The following HDAC9 variants were observed in gnomAD, a reference collection of about 807,000 sequenced individuals.
The protein encoded by HDAC9 is MEF-2 interacting transcription repressor (MITR) protein.
A neutral mutation model predicts 139.4 loss-of-function variants in HDAC9; 41 were observed. The observed-to-expected ratio is 0.29, with a 90% CI of 0.23 to 0.38. The LOEUF (loss-of-function observed/expected upper bound fraction) is 0.38. Ranked by LOEUF, HDAC9 falls within the 10% of genes least tolerant of loss-of-function variation. HDAC9 has a pLI of 1.00. For synonymous variants in HDAC9, 517 were observed against 476.2 expected, an observed-to-expected ratio of 1.09 and a Z score of -1.12; for missense variants, 1,147 against 1,297.0, an observed-to-expected ratio of 0.88 and a Z score of 1.78.
intron 1 of HDAC9, among the ~76,000 whole-genome samples, chr7:18,478,819 G>A (rs1795327201): frequency 6.6e-6 from 1 of 152,008 alleles, no homozygotes; most frequent in African/African-American, 2.4e-5. Flanking sequence ...CTCAATTTTT[G>A]TCTGTCTGCT....
At chr7:18,420,331 G>A (rs1194195116) in intron 1 of HDAC9, among the ~76,000 whole-genome samples, 1 of 152,098 alleles carries the variant, frequency 6.6e-6, no homozygotes, top group African/African-American at 2.4e-5. Context: ...GTTACTTTTT[G>A]TGATTGCTAG....
At position 18,996,248 on chromosome 7, in the gene HDAC9, G is replaced by A; in HGVS notation, c.*186G>A. On this transcript the variant is annotated 3_prime_UTR_variant, in exon 26 of 26. Transcript: ENST00000686413. Reference sequence around the variant, plus strand: ...TGGATGGACTTGAAAGGGCATTAAAGATTCCTTAAACGTAACCGCTGTGAT... The same window carrying A: ...TGGATGGACTTGAAAGGGCATTAAAAATTCCTTAAACGTAACCGCTGTGAT... 1 of 532,388 alleles carries A rather than the reference G, an allele frequency of 1.9e-6. No homozygotes were observed. The highest frequency in any genetic ancestry group is 2.2e-5 in the South Asian group (1 of 46,312). The allele number at this position is 532,388 out of a possible 1,614,324, so 33.0% of individuals were successfully genotyped here. A position where few individuals can be genotyped will look rare whatever the true frequency, so the allele number is the denominator to read the frequency against.
At chr7:18,679,160 A>G (rs1252183975) in intron 12 of HDAC9, among the ~76,000 whole-genome samples, 1 of 151,910 alleles carries the variant, frequency 6.6e-6, no homozygotes, top group African/African-American at 2.4e-5. Context: ...CTAGTCACTT[A>G]CTGGGTCCTA....
chr7:18,305,728 A>G (rs898030383), intron 1 of HDAC9, among the ~76,000 whole-genome samples: 2 of 151,866 alleles, frequency 1.3e-5, no homozygotes, highest in African/African-American at 4.9e-5. Context: ...CTAATAGATG[A>G]GAAGACAAGA....
intron 12 of HDAC9, among the ~76,000 whole-genome samples, chr7:18,710,801 A>G (rs971721576): frequency 3.9e-5 from 6 of 152,230 alleles, no homozygotes; most frequent in African/African-American, 1.2e-4. Flanking sequence ...GCACATGGAT[A>G]GAGAAAAAGT....
intron 17 of HDAC9, among the ~76,000 whole-genome samples, chr7:18,826,669 T>TG (rs1795465735): frequency 6.9e-6 from 1 of 145,328 alleles, no homozygotes; most frequent in African/African-American, 2.8e-5. Flanking sequence ...TTTTTGGTTT[T>TG]GTTTTTTTTT....
intron 22 of HDAC9, among the ~76,000 whole-genome samples, chr7:18,915,754 G>A (rs1432270525): frequency 6.6e-6 from 1 of 151,506 alleles, no homozygotes; most frequent in Non-Finnish European, 1.5e-5. Context: ...AAATAAATAT[G>A]CCATTTTAAC....
At chr7:18,278,779 T>A (rs1049132496) in intron 2 of HDAC9, among the ~76,000 whole-genome samples, 5 of 152,136 alleles carry the variant, frequency 3.3e-5, no homozygotes, top group African/African-American at 1.2e-4. Flanking sequence ...GGAGACATAA[T>A]CTCTTATGCA....
chr7:18,177,724 C>G (rs986090962), intron 2 of HDAC9, among the ~76,000 whole-genome samples: 2 of 152,164 alleles, frequency 1.3e-5, no homozygotes, highest in Non-Finnish European at 2.9e-5. Context: ...CAAGGGACAT[C>G]TAAGTACATT....
At chr7:18,118,631 G>A (rs534173817) in intron 1 of HDAC9, among the ~76,000 whole-genome samples, 2 of 152,264 alleles carry the variant, frequency 1.3e-5, no homozygotes, top group African/African-American at 4.8e-5. Context: ...ACAGCATTAT[G>A]TACAGCAGAC....
At chr7:18,443,802 G>T (rs1792017727) in intron 1 of HDAC9, among the ~76,000 whole-genome samples, 1 of 151,328 alleles carries the variant, frequency 6.6e-6, no homozygotes, top group African/African-American at 2.4e-5. Context: ...CTGTGTGTGT[G>T]TGTATATATA....
At chr7:18,907,186 G>T (rs1302300004) in intron 22 of HDAC9, among the ~76,000 whole-genome samples, 2 of 152,116 alleles carry the variant, frequency 1.3e-5, no homozygotes, top group Non-Finnish European at 2.9e-5. Context: ...AGCATGGAAA[G>T]GTGTATTTTT....
At chr7:18,603,561 G>T (rs775492497) in intron 6 of HDAC9, among the ~76,000 whole-genome samples, 5 of 151,970 alleles carry the variant, frequency 3.3e-5, no homozygotes, top group African/African-American at 4.8e-5. Context: ...AGGTCATACA[G>T]GTACCTTATA....
At chr7:18,574,439 G>C (rs988612083) in intron 2 of HDAC9, among the ~76,000 whole-genome samples, 1 of 152,206 alleles carries the variant, frequency 6.6e-6, no homozygotes, top group Non-Finnish European at 1.5e-5. Context: ...ACGGCCATGG[G>C]TGGGCCTGGA....
chr7:18,192,774 A>G (rs1270270136), intron 2 of HDAC9, among the ~76,000 whole-genome samples: 1 of 152,234 alleles, frequency 6.6e-6, no homozygotes, highest in Non-Finnish European at 1.5e-5. Context: ...GCCAGAATGC[A>G]CACACGTTGT....
intron 21 of HDAC9, among the ~76,000 whole-genome samples, chr7:18,850,078 G>A (rs867252536): frequency 8.5e-5 from 10 of 117,132 alleles, no homozygotes; most frequent in South Asian, 2.7e-4. Flanking sequence ...TTAAAAGCCT[G>A]AGTAAAAAAA....
chr7:18,728,419 AC>A (rs1270489418), intron 13 of HDAC9, among the ~76,000 whole-genome samples: 1 of 150,662 alleles, frequency 6.6e-6, no homozygotes, highest in African/African-American at 2.5e-5. Context: ...ACACACACAC[AC>A]ACACACACAC....
Position 18,762,211 on chromosome 7 carries a change from C to T in HDAC9, c.2098C>T (p.His700Tyr), listed in dbSNP as rs778637473. The T allele has an allele frequency of 3.1e-6, 5 of 1,613,640 alleles. No homozygotes were observed. The highest frequency in any genetic ancestry group is 2.2e-5 in the East Asian group (1 of 44,868). The change falls in exon 15 of 26, where the codon CAT (histidine) becomes TAT (tyrosine). Residue 700 changes from histidine (H) to tyrosine (Y), a missense_variant. His to Tyr is a moderately conservative substitution (Grantham distance 83). Coordinates refer to ENST00000686413, the MANE Select transcript of HDAC9 (RefSeq NM_178425.4). Reference sequence around the variant, plus strand: ...GGAAATACAGCTTGTTCATTCTGAACATCACTCACTGTTGTATGGCACCAA... The same window carrying T: ...GGAAATACAGCTTGTTCATTCTGAATATCACTCACTGTTGTATGGCACCAA... ...LEEIQLVHSE[H>Y]HSLLYGTNPL...
chr7:18,838,459 C>T (rs1252936733), intron 21 of HDAC9, among the ~76,000 whole-genome samples: 4 of 151,852 alleles, frequency 2.6e-5, no homozygotes, highest in Non-Finnish European at 5.9e-5. Flanking sequence ...CTGTGAAATG[C>T]ATGGAGCCAT....
Sources: gnomAD v4.1 joint callset for allele counts (sites outside exome capture counted in the v4.1 genomes callset) on GRCh38, gnomAD v4.1.1 for gene constraint, MANE v1.5 for transcripts, NCBI Gene and HGNC (gene_info 2026-07-23, HGNC 2026-07-21) for gene names.